The following TRAPPC9 variants were observed in gnomAD, a reference collection of about 807,000 sequenced individuals.
TRAPPC9 encodes IKK2 binding protein.
Under a neutral mutation model 124.0 loss-of-function variants are expected in TRAPPC9, and 83 were observed. The ratio of observed to expected loss-of-function variants is 0.67; its 90% CI spans 0.56 to 0.80. The LOEUF is 0.80. Ranked by LOEUF, TRAPPC9 falls within the 30% of genes least tolerant of loss-of-function variation. The pLI is 0.00. For synonymous variants in TRAPPC9, 638 were observed against 617.5 expected, an observed-to-expected ratio of 1.03 and a Z score of -0.49; for missense variants, 1,302 against 1,508.3, an observed-to-expected ratio of 0.86 and a Z score of 2.27.
At chr8:140,121,398 G>A (rs1161402880) in intron 17 of TRAPPC9, among the ~76,000 whole-genome samples, 1 of 152,184 alleles carries the variant, frequency 6.6e-6, no homozygotes, top group African/African-American at 2.4e-5. Context: ...TTTATCTAAG[G>A]AGTTTGAGTT....
chr8:139,857,389 G>A (rs995384004), intron 21 of TRAPPC9, among the ~76,000 whole-genome samples: 13 of 152,174 alleles, frequency 8.5e-5, no homozygotes, highest in South Asian at 4.1e-4. Context: ...ATCTGAGTGC[G>A]ATTCTCCCCA....
intron 21 of TRAPPC9, among the ~76,000 whole-genome samples, chr8:139,816,525 G>A (rs1303682190): frequency 6.6e-6 from 1 of 152,144 alleles, no homozygotes; most frequent in Non-Finnish European, 1.5e-5. Flanking sequence ...CACAGGGGCC[G>A]ACCCAGAGGG....
At position 140,182,928 on chromosome 8, in the gene TRAPPC9, T is replaced by C. The variant is rs2062239223; in HGVS notation, c.2556+38531A>G. On this transcript the variant is annotated intron_variant, in intron 17 of 22. Coordinates refer to ENST00000438773, the MANE Select transcript of TRAPPC9 (RefSeq NM_001160372.4). The surrounding 1 kb of genome is among the most constrained non-coding windows in gnomAD (Gnocchi z 4.0). ...TCTCCCTCCCAGAGCAGTTTGTCTGTATCACTATAATCAGCTTCCTATTAC... is the reference window on the plus strand; with the variant it reads ...TCTCCCTCCCAGAGCAGTTTGTCTGCATCACTATAATCAGCTTCCTATTAC... 6.6e-6 allele frequency among the ~76,000 whole-genome samples: 1 copy of C among 152,118 alleles called. No individual in the cohort carries two copies. The highest frequency in any genetic ancestry group is 2.1e-4 in the South Asian group (1 of 4,824).
chr8:139,937,201 G>A (rs1481913508), intron 19 of TRAPPC9, among the ~76,000 whole-genome samples: 3 of 152,178 alleles, frequency 2.0e-5, no homozygotes, highest in Non-Finnish European at 4.4e-5. Context: ...TTCTTGAAGA[G>A]TAACAGTAAA....
At chr8:139,861,323 G>A (rs189500029) in intron 21 of TRAPPC9, among the ~76,000 whole-genome samples, 194 of 152,234 alleles carry the variant, frequency 1.3e-3, no homozygotes, top group African/African-American at 4.2e-3. Flanking sequence ...AGCTAATTCC[G>A]ATTGGCTACT....
intron 8 of TRAPPC9, among the ~76,000 whole-genome samples, chr8:140,360,458 G>A (rs919314822): frequency 6.6e-6 from 1 of 152,112 alleles, no homozygotes; most frequent in South Asian, 2.1e-4. Flanking sequence ...AGCCTGCTTC[G>A]AAATAATAAG....
At chr8:140,349,392 C>T (rs529806983) in intron 9 of TRAPPC9, among the ~76,000 whole-genome samples, 2,629 of 103,724 alleles carry the variant, frequency 0.025, 73 homozygotes, top group Middle Eastern at 0.13. Context: ...ACAGCGGGGC[C>T]GATGGGGGCG....
intron 9 of TRAPPC9, among the ~76,000 whole-genome samples, chr8:140,358,925 G>A (rs113715781): frequency 0.036 from 5,471 of 152,246 alleles, 206 homozygotes; most frequent in African/African-American, 0.098. Flanking sequence ...AGGAAGCCCC[G>A]GCCCTCCCAT....
chr8:140,284,414 G>A (rs923067049), intron 13 of TRAPPC9, among the ~76,000 whole-genome samples: 1 of 152,136 alleles, frequency 6.6e-6, no homozygotes, highest in Non-Finnish European at 1.5e-5. Context: ...GACTTAATGA[G>A]TATGTGAAAA....
chr8:140,355,209 T>C (rs1026193287), intron 9 of TRAPPC9, among the ~76,000 whole-genome samples: 1 of 152,174 alleles, frequency 6.6e-6, no homozygotes, highest in Non-Finnish European at 1.5e-5. Flanking sequence ...CTCTAGAGGG[T>C]TATGCTGCCT....
intron 13 of TRAPPC9, among the ~76,000 whole-genome samples, chr8:140,285,337 G>A (rs937038953): frequency 3.3e-5 from 5 of 152,058 alleles, no homozygotes; most frequent in East Asian, 3.9e-4. Context: ...GCCAGGCCAC[G>A]GCTATGGGCC....
intron 5 of TRAPPC9, among the ~76,000 whole-genome samples, chr8:140,416,156 C>G (rs1189597261): frequency 6.6e-6 from 1 of 151,950 alleles, no homozygotes; most frequent in Non-Finnish European, 1.5e-5. Context: ...TATGAACTAG[C>G]TAAGAAGAGA....
rs1314023764 is a variant in TRAPPC9, at chr8:139,881,556, T to A, written c.3055+4323A>T. ...CTCATGATGAAGTCACTCACCCACA[T>A]CTGATGACTGTCCTCAGATGGCTGA... On this transcript the variant is annotated intron_variant, in intron 21 of 22. Transcript: ENST00000438773. Among the ~76,000 whole-genome samples the A allele has an allele frequency of 3.9e-5, 6 of 152,194 alleles. No homozygotes were observed. In the East Asian group the frequency reaches 1.2e-3, roughly 29 times the overall value.
At chr8:140,049,345 G>A (rs1677527026) in intron 17 of TRAPPC9, among the ~76,000 whole-genome samples, 1 of 152,142 alleles carries the variant, frequency 6.6e-6, no homozygotes, top group Non-Finnish European at 1.5e-5. Flanking sequence ...GGCCGAAGTG[G>A]AAAATCAATA....
intron 21 of TRAPPC9, among the ~76,000 whole-genome samples, chr8:139,822,632 G>GC (rs1015925916): frequency 1.3e-5 from 2 of 152,118 alleles, no homozygotes; most frequent in Non-Finnish European, 2.9e-5. Flanking sequence ...GGCGGGGGGG[G>GC]GCTGCCTTGC....
intron 17 of TRAPPC9, among the ~76,000 whole-genome samples, chr8:140,125,390 C>T (rs1262017374): frequency 1.3e-5 from 2 of 152,138 alleles, no homozygotes; most frequent in East Asian, 1.9e-4. Context: ...AGAGCAGGGG[C>T]ACGCAGACCA....
intron 16 of TRAPPC9, among the ~76,000 whole-genome samples, chr8:140,227,348 T>C (rs2063478459): frequency 6.6e-6 from 1 of 152,056 alleles, no homozygotes; most frequent in Non-Finnish European, 1.5e-5. Flanking sequence ...GGATGACAAT[T>C]AATAGGAAGA....
At chr8:139,898,293 G>A (rs1312193874) in intron 20 of TRAPPC9, among the ~76,000 whole-genome samples, 1 of 152,218 alleles carries the variant, frequency 6.6e-6, no homozygotes, top group East Asian at 1.9e-4. Context: ...GATACTTGTG[G>A]CCATGACCGA....
At chr8:140,312,144 C>T (rs1329953503) in intron 9 of TRAPPC9, among the ~76,000 whole-genome samples, 1 of 152,208 alleles carries the variant, frequency 6.6e-6, no homozygotes, top group Non-Finnish European at 1.5e-5. Flanking sequence ...GGCCTAAGGC[C>T]TGTGGTTTTC....
Sources: allele counts gnomAD v4.1 joint callset (sites outside exome capture counted in the v4.1 genomes callset), GRCh38; gene constraint gnomAD v4.1.1; non-coding constraint Gnocchi (gnomAD v3.1); transcripts MANE v1.5; gene names NCBI Gene and HGNC (gene_info 2026-07-23, HGNC 2026-07-21).